DPYSL3: variants seen among roughly 807,000 people sequenced by gnomAD.
The protein encoded by DPYSL3 is dihydropyrimidinase like 3.
In DPYSL3, 16 loss-of-function variants were observed where a neutral mutation model predicts 66.1. The ratio of observed to expected loss-of-function variants is 0.24; its 90% CI spans 0.16 to 0.37. DPYSL3 has a LOEUF of 0.37. DPYSL3 is among the 10% of genes least tolerant of loss of function. The pLI is 1.00. For missense variants in DPYSL3, 738 were observed against 916.2 expected (o/e 0.81, Z 2.51); for synonymous variants, 338 against 345.1 (o/e 0.98, Z 0.23).
intron 1 of DPYSL3, among the ~76,000 whole-genome samples, chr5:147,448,002 TTCAAA>T: frequency 6.6e-6 from 1 of 152,194 alleles, no homozygotes; most frequent in East Asian, 1.9e-4. Flanking sequence ...TTTGCCGTTT[TTCAAA>T]TGTAATAAGC....
chr5:147,506,005 C>T (rs1296975490), intron 1 of DPYSL3, among the ~76,000 whole-genome samples: 5 of 151,844 alleles, frequency 3.3e-5, no homozygotes, highest in Admixed American at 6.6e-5. Context: ...TGGGACTAAA[C>T]AATTAGTCTC....
chr5:147,500,276 T>C (rs1753582767), intron 1 of DPYSL3, among the ~76,000 whole-genome samples: 1 of 152,282 alleles, frequency 6.6e-6, no homozygotes, highest in Admixed American at 6.5e-5. Context: ...AAAATACATA[T>C]CTGATAAACA....
intron 2 of DPYSL3, among the ~76,000 whole-genome samples, chr5:147,422,655 G>A (rs1161725489): frequency 6.6e-6 from 1 of 152,066 alleles, no homozygotes; most frequent in Non-Finnish European, 1.5e-5. Flanking sequence ...TATACATCAT[G>A]AAATACTATG....
chr5:147,431,705 C>A (rs1299491206), intron 1 of DPYSL3, among the ~76,000 whole-genome samples: 1 of 152,150 alleles, frequency 6.6e-6, no homozygotes, highest in Non-Finnish European at 1.5e-5. Context: ...TAAGCCTCAG[C>A]AACTGTTCTC....
intron 1 of DPYSL3, among the ~76,000 whole-genome samples, chr5:147,438,096 G>C (rs534433025): frequency 6.6e-6 from 1 of 152,124 alleles, no homozygotes; most frequent in African/African-American, 2.4e-5. Context: ...GGAAGAGTTC[G>C]CTCTTTTTTT....
chr5:147,392,450 G>A lies in DPYSL3; in HGVS notation c.*1585C>T, dbSNP rs1348662553. On this transcript the variant is annotated 3_prime_UTR_variant, in exon 14 of 14. Coordinates refer to ENST00000343218, the MANE Select transcript of DPYSL3 (RefSeq NM_001197294.2). Reference sequence around the variant, plus strand: ...TCCTAAGCAATTAAAAGGTGTCTGAGGCCTGCTCTTCTCTTCAAAGCACTT... The same window carrying A: ...TCCTAAGCAATTAAAAGGTGTCTGAAGCCTGCTCTTCTCTTCAAAGCACTT... The A allele has an allele frequency of 6.6e-6, 1 of 152,166 alleles. No individual in the cohort carries two copies. Among genetic ancestry groups the A allele is most frequent in the Non-Finnish European group, 1.5e-5 (1 of 68,060 alleles). 9.4% of individuals were successfully genotyped at this position (152,166 alleles called of 1,614,324 possible).
intron 4 of DPYSL3, among the ~76,000 whole-genome samples, chr5:147,415,069 G>C (rs763239515): frequency 6.6e-6 from 1 of 152,136 alleles, no homozygotes; most frequent in Non-Finnish European, 1.5e-5. Context: ...AAAAGAAGCA[G>C]AGAATGGAGG....
chr5:147,425,015 G>A (rs1356500899), intron 1 of DPYSL3, 52 bp from the exon 2 acceptor site: 2 of 1,443,100 alleles, frequency 1.4e-6, no homozygotes, highest in Non-Finnish European at 1.9e-6. Context: ...TTTCAGAGAA[G>A]AGTGATCTGC....
At position 147,408,718 on chromosome 5, in the gene DPYSL3, T is replaced by A; in HGVS notation, c.1032+10A>T. The A allele has an allele frequency of 6.2e-7, 1 of 1,613,974 alleles. No homozygotes were observed. The highest frequency in any genetic ancestry group is 2.2e-5 in the East Asian group (1 of 44,874). ...GCGTTGTGTGTGCACCTTCATCCCCTGTAACTTACCTCTTCTGGCCTGCTC... is the reference window on the plus strand; with the variant it reads ...GCGTTGTGTGTGCACCTTCATCCCCAGTAACTTACCTCTTCTGGCCTGCTC... On this transcript the variant is annotated intron_variant, in intron 7 of 13. Transcript: ENST00000343218.
intron 2 of DPYSL3, among the ~76,000 whole-genome samples, chr5:147,420,646 GTTAT>G (rs1339961357): frequency 2.0e-5 from 3 of 152,162 alleles, no homozygotes; most frequent in Non-Finnish European, 4.4e-5. Context: ...GTTAGAGGAG[GTTAT>G]TTCTGTTCTT....
intron 1 of DPYSL3, among the ~76,000 whole-genome samples, chr5:147,479,526 A>G (rs1333787250): frequency 6.6e-6 from 1 of 152,216 alleles, no homozygotes; most frequent in African/African-American, 2.4e-5. Flanking sequence ...TTTGGGAAAA[A>G]GAGGAAGCAG....
chr5:147,401,357 T>C (rs1007598001), intron 9 of DPYSL3, among the ~76,000 whole-genome samples, 183 bp downstream of exon 9: 7 of 152,228 alleles, frequency 4.6e-5, no homozygotes, highest in Admixed American at 4.6e-4. Flanking sequence ...TGTATTAATG[T>C]TTAAAACAGG....
At chr5:147,414,796 A>T (rs1751928610) in intron 4 of DPYSL3, among the ~76,000 whole-genome samples, 1 of 152,098 alleles carries the variant, frequency 6.6e-6, no homozygotes, top group Non-Finnish European at 1.5e-5. Context: ...TGAGGGGGTC[A>T]TCCTTTCCCT....
intron 3 of DPYSL3, 30 bp from the exon 4 acceptor site, chr5:147,415,903 T>C (rs762333633): frequency 6.2e-7 from 1 of 1,608,214 alleles, no homozygotes; most frequent in Admixed American, 1.7e-5. Flanking sequence ...GATGAGTCAC[T>C]CTCAGACACA....
intron 1 of DPYSL3, among the ~76,000 whole-genome samples, chr5:147,483,467 A>G (rs528546277): frequency 1.3e-5 from 2 of 152,304 alleles, no homozygotes; most frequent in East Asian, 1.9e-4. Flanking sequence ...TCACTACTTC[A>G]TTCCAATGTT....
rs567067231 is a variant in DPYSL3, at chr5:147,495,430, T to G, written c.381+14048A>C. On this transcript the variant is annotated intron_variant, in intron 1 of 13. Transcript: ENST00000343218. ...AGGCAGGAGAAGGAAATAAAGGGCA[T>G]TCAATTAGGAAAAGAGGAAGTCAAA... 2.6e-3 allele frequency among the ~76,000 whole-genome samples: 393 copies of G among 152,288 alleles called. 1 individual carries two copies. Among genetic ancestry groups the G allele is most frequent in the Non-Finnish European group, 3.2e-3 (217 of 68,028 alleles).
chr5:147,407,134 C>T (rs1758344538), intron 7 of DPYSL3, among the ~76,000 whole-genome samples: 1 of 152,110 alleles, frequency 6.6e-6, no homozygotes. Flanking sequence ...TATGATCACT[C>T]CTCCCACTTC....
At chr5:147,409,672 C>T (rs1751807082) in intron 6 of DPYSL3, among the ~76,000 whole-genome samples, 1 of 152,140 alleles carries the variant, frequency 6.6e-6, no homozygotes, top group Admixed American at 6.5e-5. Context: ...TGGCAGAAAT[C>T]CCAAGCCACC....
At chr5:147,447,330 C>T (rs1464860531) in intron 1 of DPYSL3, among the ~76,000 whole-genome samples, 2 of 152,156 alleles carry the variant, frequency 1.3e-5, no homozygotes, top group African/African-American at 4.8e-5. Flanking sequence ...TCTATTCCAC[C>T]AAACTAGCTT....
Sources: gnomAD v4.1 joint callset for allele counts (sites outside exome capture counted in the v4.1 genomes callset) on GRCh38, gnomAD v4.1.1 for gene constraint, MANE v1.5 for transcripts, NCBI Gene and HGNC (gene_info 2026-07-23, HGNC 2026-07-21) for gene names.